Variants in PTK7 observed in about 807,000 individuals in gnomAD.
PTK7 encodes inactive tyrosine-protein kinase 7.
In PTK7, 39 loss-of-function variants were observed where a neutral mutation model predicts 116.6. The ratio of observed to expected loss-of-function variants is 0.33; its 90% confidence interval spans 0.26 to 0.44. The LOEUF (loss-of-function observed/expected upper bound fraction) is 0.44, where lower values mean the gene tolerates loss of function less well. Among genes scored for constraint, PTK7 ranks in the 20% least tolerant of loss-of-function variants. The pLI is 1.00. For missense variants in PTK7, 1,169 were observed against 1,425.6 expected (o/e 0.82, Z 2.90); for synonymous variants, 546 against 563.6 (o/e 0.97, Z 0.44).
chr6:43,079,895 A>C (rs1325568980), intron 1 of PTK7, among the ~76,000 whole-genome samples: 1 of 145,828 alleles, frequency 6.9e-6, no homozygotes, highest in Non-Finnish European at 1.5e-5. Flanking sequence ...CTCCACCTGT[A>C]CAAAAAAAAA....
intron 1 of PTK7, among the ~76,000 whole-genome samples, chr6:43,079,832 G>A (rs1241847756): frequency 2.0e-5 from 3 of 151,010 alleles, no homozygotes; most frequent in African/African-American, 7.3e-5. Context: ...GCAGAGGGAG[G>A]AGGATCGCTT....
chr6:43,122,807 A>G (rs1465830514), intron 1 of PTK7, among the ~76,000 whole-genome samples: 4 of 151,964 alleles, frequency 2.6e-5, no homozygotes, highest in African/African-American at 9.7e-5. Flanking sequence ...GGGTTTCATC[A>G]TGTTGGCCAG....
rs910975535 is a variant in PTK7 at position 43,076,535 on chromosome 6, T to G, written c.47T>G (p.Leu16Arg). The G allele has an allele frequency of 6.3e-7, 1 of 1,576,652 alleles. No individual in the cohort carries two copies. Among genetic ancestry groups the G allele is most frequent in the Non-Finnish European group, 8.6e-7 (1 of 1,166,280 alleles). Reference sequence around the variant, plus strand: ...CCGGCCAGACCCCGCCGGTTGCCTCTGCTCAGCGTCCTGCTGCTGCCGCTG... The same window carrying G: ...CCGGCCAGACCCCGCCGGTTGCCTCGGCTCAGCGTCCTGCTGCTGCCGCTG... ...GSPARPRRLPLLSVLLLPLLG... is the reference protein window; with the variant it reads ...GSPARPRRLPRLSVLLLPLLG... Residue 16 changes from leucine to arginine, a missense_variant, in exon 1 of 20, where the codon CTG (leucine) becomes CGG (arginine). By Grantham distance (102) the Leu-to-Arg change is moderately radical. Coordinates refer to ENST00000230419, the MANE Select transcript of PTK7 (RefSeq NM_002821.5). This position sits in a 1 kb window ranked among gnomAD's most constrained non-coding sequence, Gnocchi z 5.7.
intron 1 of PTK7, among the ~76,000 whole-genome samples, chr6:43,077,332 C>T (rs1766103691): frequency 6.6e-6 from 1 of 152,216 alleles, no homozygotes; most frequent in Non-Finnish European, 1.5e-5. Context: ...GTTTGTTCTG[C>T]TCCTTCCTGG....
chr6:43,156,384 T>G (rs904156249), intron 17 of PTK7, among the ~76,000 whole-genome samples: 1 of 151,930 alleles, frequency 6.6e-6, no homozygotes, highest in Non-Finnish European at 1.5e-5. Flanking sequence ...GAAGGATTGC[T>G]TGATCCCAGG....
At chr6:43,078,766 A>G (rs1766203894) in intron 1 of PTK7, among the ~76,000 whole-genome samples, 2 of 152,182 alleles carry the variant, frequency 1.3e-5, no homozygotes, top group African/African-American at 4.8e-5. Context: ...AGGAGGCTTG[A>G]TGTTTGAAAC....
Position 43,143,398 on chromosome 6 carries a change from C to G in PTK7, c.2048-19C>G, listed in dbSNP as rs1450948302. 1 of 1,611,586 alleles carries G rather than the reference C, an allele frequency of 6.2e-7. No individual in the cohort carries two copies. The highest frequency in any genetic ancestry group is 8.5e-7 in the Non-Finnish European group (1 of 1,178,750). ...TTTGCTTAGCAGCCCCTGCCCAGAC[C>G]CATCTGTGTGTCTCTCAGACAAGCC... On this transcript the variant is annotated intron_variant, in intron 13 of 19. Transcript: ENST00000230419. The surrounding 1 kb of genome is among the most constrained non-coding windows in gnomAD (Gnocchi z 4.2).
chr6:43,129,050 T>G lies in PTK7; in HGVS notation c.153T>G (p.Leu51=). 6.2e-7 allele frequency: 1 copy of G among 1,614,190 alleles called. No individual in the cohort carries two copies. Among genetic ancestry groups the G allele is most frequent in the Non-Finnish European group, 8.5e-7 (1 of 1,180,028 alleles). ...CACTGCAGGGGCGCCGGGCGCTGCT[T>G]CGCTGTGAGGTTGAGGCTCCGGGCC... ...QDALQGRRAL[L]RCEVEAPGPV... Residue 51 remains leucine, a synonymous_variant, in exon 2 of 20, where the codon CTT becomes CTG. Transcript: ENST00000230419. This position sits in a 1 kb window ranked among gnomAD's most constrained non-coding sequence, Gnocchi z 4.5.
At chr6:43,153,523 C>T (rs1247264560) in intron 17 of PTK7, among the ~76,000 whole-genome samples, 1 of 152,086 alleles carries the variant, frequency 6.6e-6, no homozygotes, top group African/African-American at 2.4e-5. Flanking sequence ...GATCCTCTCA[C>T]TTCAGCCTCC....
intron 1 of PTK7, among the ~76,000 whole-genome samples, chr6:43,107,324 G>A (rs1049054535): frequency 6.6e-6 from 1 of 152,150 alleles, no homozygotes; most frequent in South Asian, 2.1e-4. Context: ...AAGCCTACAC[G>A]TTATGATAGA....
chr6:43,119,278 A>C (rs1259121791), intron 1 of PTK7, among the ~76,000 whole-genome samples: 2 of 152,100 alleles, frequency 1.3e-5, no homozygotes, highest in Non-Finnish European at 2.9e-5. Context: ...CCTAGGCGGG[A>C]GACAGAGATG....
At chr6:43,084,943 T>C (rs1227214301) in intron 1 of PTK7, among the ~76,000 whole-genome samples, 1 of 152,154 alleles carries the variant, frequency 6.6e-6, no homozygotes, top group African/African-American at 2.4e-5. Context: ...GTGGTACTGT[T>C]CTAATATCAC....
At chr6:43,121,246 G>A (rs1698347145) in intron 1 of PTK7, among the ~76,000 whole-genome samples, 1 of 152,108 alleles carries the variant, frequency 6.6e-6, no homozygotes, top group African/African-American at 2.4e-5. Flanking sequence ...TGCCATTAGA[G>A]GTTAATCTGC....
rs191465202 is a variant in PTK7 at position 43,149,814 on chromosome 6, A to G, written c.2721+3116A>G. ...TTTCTATCCTGTCCTCTTTTTATTT[A>G]TTTTTATTTTTTGTAGAAATGGGGG... is the stretch of plus-strand genomic sequence containing the variant. On this transcript the variant is annotated intron_variant, in intron 17 of 19. Coordinates refer to ENST00000230419, the MANE Select transcript of PTK7 (RefSeq NM_002821.5). Among the ~76,000 whole-genome samples, 402 of 152,038 alleles carry G rather than the reference A, an allele frequency of 2.6e-3. 3 individuals carry two copies. The highest frequency in any genetic ancestry group is 2.3e-3 in the Non-Finnish European group (154 of 67,978).
intron 17 of PTK7, among the ~76,000 whole-genome samples, chr6:43,157,365 T>TATATATATATATATAAA (rs1554162298): frequency 1.1e-4 from 3 of 26,906 alleles, no homozygotes; most frequent in African/African-American, 5.3e-4. Flanking sequence ...TATATATATA[T>TATATATATATATATAAA]TTTTTTTTTT....
At position 43,154,029 on chromosome 6, in the gene PTK7, G is replaced by C. The variant is rs1026662068; in HGVS notation, c.2722-4788G>C. ...AATAAAAAAATTAGCCGTGCATGGT[G>C]GTGGGCACCTGTAATTCCAGCTACA... On this transcript the variant is annotated intron_variant, in intron 17 of 19. Transcript: ENST00000230419. Among the ~76,000 whole-genome samples, 9 of 152,248 alleles carry C rather than the reference G, an allele frequency of 5.9e-5. No homozygotes were observed. The East Asian group carries it at 1.3e-3, about 23-fold the overall frequency.
chr6:43,122,377 G>T (rs1769012722), intron 1 of PTK7, among the ~76,000 whole-genome samples: 2 of 152,088 alleles, frequency 1.3e-5, no homozygotes, highest in African/African-American at 4.8e-5. Context: ...GGGTCAGGGA[G>T]CCCCGGGGCT....
chr6:43,135,943 A>T (rs762755601), intron 7 of PTK7, among the ~76,000 whole-genome samples: 15 of 152,172 alleles, frequency 9.9e-5, no homozygotes, highest in Non-Finnish European at 2.1e-4. Context: ...TAATCCCAGC[A>T]CTTTGGGAGG....
At position 43,130,334 on chromosome 6, in the gene PTK7, C is replaced by T; in HGVS notation, c.575C>T (p.Pro192Leu). The T allele has an allele frequency of 6.2e-7, 1 of 1,613,046 alleles. No individual in the cohort carries two copies. Among genetic ancestry groups the T allele is most frequent in the South Asian group, 1.1e-5 (1 of 91,048 alleles). ...AACCTGACGCTCCGGCCAGCTGGTC[C>T]TGAGCATAGTGGGCTGTATTCCTGC... ...ERNLTLRPAG[P>L]EHSGLYSCCA... The change falls in exon 4 of 20, where the codon CCT becomes CTT. Residue 192 changes from proline (P) to leucine (L), a missense_variant. Around this residue, in one of 3 missense-constraint regions of PTK7, gnomAD observed 487 missense variants for 549.8 expected, o/e 0.89. Transcript: ENST00000230419.
Sources: allele counts gnomAD v4.1 joint callset (sites outside exome capture counted in the v4.1 genomes callset), GRCh38; gene constraint gnomAD v4.1.1; regional missense constraint gnomAD v4.1.1; non-coding constraint Gnocchi (gnomAD v3.1); transcripts MANE v1.5; gene names NCBI Gene and HGNC (gene_info 2026-07-23, HGNC 2026-07-21).